The following STK17A variants were observed in gnomAD, a reference collection of about 807,000 sequenced individuals.
STK17A encodes serine/threonine kinase 17a, also known as serine/threonine-protein kinase 17A.
A neutral mutation model predicts 43.7 loss-of-function variants in STK17A; 26 were observed. That is an observed-to-expected ratio of 0.60 (90% CI 0.44 to 0.83). The LOEUF (loss-of-function observed/expected upper bound fraction) is 0.83, where lower values mean the gene tolerates loss of function less well. Among genes scored for constraint, STK17A ranks in the 40% least tolerant of loss-of-function variants. STK17A has a pLI of 0.00. For synonymous variants in STK17A, 191 were observed against 182.5 expected (o/e 1.05, Z -0.38); for missense variants, 476 against 511.6 (o/e 0.93, Z 0.67).
chr7:43,602,758 C>T (rs1464771441), intron 2 of STK17A, among the ~76,000 whole-genome samples: 1 of 152,172 alleles, frequency 6.6e-6, no homozygotes, highest in African/African-American at 2.4e-5. Flanking sequence ...ATTTTTGTGG[C>T]TTCAGCTATC....
At chr7:43,614,790 C>G (rs2083197901) in intron 3 of STK17A, among the ~76,000 whole-genome samples, 1 of 152,184 alleles carries the variant, frequency 6.6e-6, no homozygotes, top group African/African-American at 2.4e-5. Context: ...CTAGACTTCT[C>G]ATACAATAAG....
intron 6 of STK17A, 120 bp from the exon 7 acceptor site, chr7:43,624,398 G>GT (rs1310718049): frequency 1.1e-6 from 1 of 947,102 alleles, no homozygotes; most frequent in Non-Finnish European, 1.5e-6. Context: ...AGGAATCACA[G>GT]TAAGATTTTT....
chr7:43,598,603 T>C (rs1263326668), intron 2 of STK17A, among the ~76,000 whole-genome samples: 1 of 152,186 alleles, frequency 6.6e-6, no homozygotes, highest in Non-Finnish European at 1.5e-5. Context: ...CCTAAGTCTT[T>C]TGACAAAATT....
rs751352555 is a variant in STK17A, at chr7:43,586,861, C to T, written c.206+3412C>T. Reference sequence around the variant, plus strand: ...GGAAAAAAGTTACAAATACAAGTTCCCATCTGAAACAGGTACTTTATAATG... The same window carrying T: ...GGAAAAAAGTTACAAATACAAGTTCTCATCTGAAACAGGTACTTTATAATG... On this transcript the variant is annotated intron_variant, in intron 1 of 6. Coordinates refer to ENST00000319357, the MANE Select transcript of STK17A (RefSeq NM_004760.3). Among the ~76,000 whole-genome samples the T allele has an allele frequency of 5.3e-5, 8 of 151,294 alleles. 1 individual carries two copies. The highest frequency in any genetic ancestry group is 8.9e-5 in the Non-Finnish European group (6 of 67,572).
chr7:43,615,204 C>T (rs566152745), intron 3 of STK17A, among the ~76,000 whole-genome samples: 2 of 152,168 alleles, frequency 1.3e-5, no homozygotes, highest in African/African-American at 4.8e-5. Context: ...TTGATAGGGT[C>T]GTATTCTGTT....
rs1255750275 is a variant in STK17A at position 43,624,518 on chromosome 7, A to C, written c.921A>C (p.Glu307Asp). Reference protein sequence around the residue: ...FIRTLLVKKPEDRATAEECLK... With the variant: ...FIRTLLVKKPDDRATAEECLK... ...AACTGTAAAACATGTATCTTTACAG[A>C]GATCGAGCCACTGCTGAAGAATGTC... is the stretch of plus-strand genomic sequence containing the variant. The change falls in exon 7 of 7, where the codon GAA (glutamate) becomes GAC (aspartate). Residue 307 changes from glutamate (E) to aspartate (D), a missense_variant and splice_region_variant. Glu to Asp is a conservative substitution (Grantham distance 45). Around this residue, in one of 3 missense-constraint regions of STK17A, gnomAD observed 46 missense variants for 81.6 expected, o/e 0.56. Transcript: ENST00000319357. 6.2e-7 allele frequency: 1 copy of C among 1,607,256 alleles called. No individual in the cohort carries two copies. The highest frequency in any genetic ancestry group is 8.5e-7 in the Non-Finnish European group (1 of 1,176,836).
Position 43,583,241 on chromosome 7 carries a change from A to G in STK17A, c.-3A>G. ...GGCCAGGAAAGAAGCGGGCCTGAAC[A>G]CCATGATCCCTTTGGAGAAGCCAGG... On this transcript the variant is annotated 5_prime_UTR_variant, in exon 1 of 7. Coordinates refer to ENST00000319357, the MANE Select transcript of STK17A (RefSeq NM_004760.3). The G allele has an allele frequency of 6.4e-7, 1 of 1,553,188 alleles. No individual in the cohort carries two copies. The highest frequency in any genetic ancestry group is 8.7e-7 in the Non-Finnish European group (1 of 1,151,886).
At position 43,591,777 on chromosome 7, in the gene STK17A, T is replaced by C. The variant is rs1295685812; in HGVS notation, c.207-4124T>C. ...CAATGTGTGTGAGTCCGTGTTTAAT[T>C]TGCCCTGTTAAATTCTAACTTCTAG... On this transcript the variant is annotated intron_variant, in intron 1 of 6. Coordinates refer to ENST00000319357, the MANE Select transcript of STK17A (RefSeq NM_004760.3). 2.6e-5 allele frequency among the ~76,000 whole-genome samples: 4 copies of C among 151,548 alleles called. No individual in the cohort carries two copies. The East Asian group carries it at 7.7e-4, about 29-fold the overall frequency.
intron 3 of STK17A, among the ~76,000 whole-genome samples, chr7:43,615,016 G>A (rs948933585): frequency 2.0e-5 from 3 of 152,138 alleles, no homozygotes; most frequent in Admixed American, 6.5e-5. Context: ...CTCAAGATTT[G>A]GTGAAGATTT....
intron 1 of STK17A, among the ~76,000 whole-genome samples, chr7:43,590,138 A>G (rs4720456): frequency 0.09 from 13,559 of 150,158 alleles, 1,007 homozygotes; most frequent in Admixed American, 0.17. Context: ...TAGTGACAAG[A>G]TTTCGCCACG....
intron 3 of STK17A, among the ~76,000 whole-genome samples, chr7:43,617,136 T>C (rs1334156440): frequency 2.0e-5 from 3 of 151,110 alleles, no homozygotes; most frequent in Non-Finnish European, 4.4e-5. Context: ...CCCAGCTTCA[T>C]GGAGCCGGGG....
At chr7:43,613,646 C>A (rs1563155676) in intron 3 of STK17A, among the ~76,000 whole-genome samples, 2 of 151,946 alleles carry the variant, frequency 1.3e-5, no homozygotes, top group Non-Finnish European at 2.9e-5. Flanking sequence ...AGTTTGAGAC[C>A]AGCCCAGGCA....
At chr7:43,600,209 A>T (rs2082545844) in intron 2 of STK17A, among the ~76,000 whole-genome samples, 1 of 152,204 alleles carries the variant, frequency 6.6e-6, no homozygotes, top group Non-Finnish European at 1.5e-5. Context: ...TTTAAACTGT[A>T]CTTAATTTCC....
At chr7:43,598,777 T>C (rs969029343) in intron 2 of STK17A, among the ~76,000 whole-genome samples, 1 of 152,004 alleles carries the variant, frequency 6.6e-6, no homozygotes, top group Non-Finnish European at 1.5e-5. Context: ...TGGTTTTTTT[T>C]TTTTGAGACG....
intron 1 of STK17A, among the ~76,000 whole-genome samples, chr7:43,585,055 G>C (rs1204819012): frequency 6.6e-6 from 1 of 152,114 alleles, no homozygotes; most frequent in Non-Finnish European, 1.5e-5. Context: ...TAATTAGCTG[G>C]GCCTGGTGGT....
chr7:43,584,777 C>T (rs1372527749), intron 1 of STK17A, among the ~76,000 whole-genome samples: 1 of 152,224 alleles, frequency 6.6e-6, no homozygotes, highest in African/African-American at 2.4e-5. Flanking sequence ...ATTTACTTCA[C>T]TGCTAGGCCC....
chr7:43,607,618 C>T (rs888996583), intron 2 of STK17A, among the ~76,000 whole-genome samples: 4 of 127,502 alleles, frequency 3.1e-5, no homozygotes, highest in Non-Finnish European at 4.7e-5. Context: ...CACTGCACTC[C>T]GGCCTGGTGA....
In STK17A at chr7:43,625,810, G is replaced by A. The variant is rs1459898160; in HGVS notation, c.*968G>A. On this transcript the variant is annotated 3_prime_UTR_variant, in exon 7 of 7. Coordinates refer to ENST00000319357, the MANE Select transcript of STK17A (RefSeq NM_004760.3). ...ATGCCAACCACAGCCTGTTTCTGCT[G>A]AGTTTCTTATCAGCCCTCAAGCTAT... 6.6e-6 allele frequency: 1 copy of A among 151,618 alleles called. No homozygotes were observed. The highest frequency in any genetic ancestry group is 1.5e-5 in the Non-Finnish European group (1 of 67,876). The allele number at this position is 151,618 out of a possible 1,614,324, so 9.4% of individuals were successfully genotyped here.
intron 4 of STK17A, among the ~76,000 whole-genome samples, chr7:43,621,281 A>G (rs1362255108): frequency 1.3e-5 from 2 of 152,228 alleles, no homozygotes; most frequent in South Asian, 2.1e-4. Flanking sequence ...AATATGCGTC[A>G]TGACCACTAA....
Sources: gnomAD v4.1 joint callset for allele counts (sites outside exome capture counted in the v4.1 genomes callset) on GRCh38, gnomAD v4.1.1 for gene constraint, gnomAD v4.1.1 regional missense constraint, MANE v1.5 for transcripts, NCBI Gene and HGNC (gene_info 2026-07-23, HGNC 2026-07-21) for gene names.